The following PALM2AKAP2 variants were observed in gnomAD, a reference collection of about 807,000 sequenced individuals.
The protein encoded by PALM2AKAP2 is PALM2-AKAP2 fusion protein.
A neutral mutation model predicts 71.5 loss-of-function variants in PALM2AKAP2; 37 were observed. The ratio of observed to expected loss-of-function variants is 0.52; its 90% CI spans 0.40 to 0.68. The LOEUF (loss-of-function observed/expected upper bound fraction) is 0.68. Among genes scored for constraint, PALM2AKAP2 ranks in the 30% least tolerant of loss-of-function variants. The pLI is 0.00. For synonymous variants in PALM2AKAP2, 468 were observed against 478.8 expected (o/e 0.98, Z 0.29); for missense variants, 1,224 against 1,191.8 (o/e 1.03, Z -0.40).
intron 1 of PALM2AKAP2, among the ~76,000 whole-genome samples, chr9:109,656,315 C>CT (rs1277330375): frequency 6.6e-6 from 1 of 152,174 alleles, no homozygotes; most frequent in Non-Finnish European, 1.5e-5. Flanking sequence ...GCCAGACCTT[C>CT]TAGGCCACTT....
intron 6 of PALM2AKAP2, among the ~76,000 whole-genome samples, chr9:109,934,749 C>T (rs776417038): frequency 6.6e-6 from 1 of 152,168 alleles, no homozygotes; most frequent in Non-Finnish European, 1.5e-5. Flanking sequence ...AGCCTCACTC[C>T]GTTTATCCAT....
At chr9:110,126,362 G>C (rs1426565550) in intron 1 of PALM2AKAP2, among the ~76,000 whole-genome samples, 1 of 152,198 alleles carries the variant, frequency 6.6e-6, no homozygotes, top group Non-Finnish European at 1.5e-5. Context: ...AACCAAGAGG[G>C]ACACAGCAAA....
intron 2 of PALM2AKAP2, among the ~76,000 whole-genome samples, chr9:109,875,175 ACT>A (rs1829694133): frequency 6.6e-6 from 1 of 151,778 alleles, no homozygotes; most frequent in African/African-American, 2.4e-5. Flanking sequence ...AACACACCAA[ACT>A]CTGTCCTACC....
At chr9:110,087,968 A>G (rs1834611261) in intron 1 of PALM2AKAP2, among the ~76,000 whole-genome samples, 1 of 152,188 alleles carries the variant, frequency 6.6e-6, no homozygotes, top group Non-Finnish European at 1.5e-5. Flanking sequence ...CAGCATTTGT[A>G]TTGTATGGTT....
chr9:109,679,173 C>T (rs1451611371), intron 1 of PALM2AKAP2, among the ~76,000 whole-genome samples: 1 of 152,150 alleles, frequency 6.6e-6, no homozygotes, highest in Non-Finnish European at 1.5e-5. Context: ...GTGCTTCCTG[C>T]CGAGAACACC....
Position 109,757,896 on chromosome 9 carries a change from T to C in PALM2AKAP2, c.6-22592T>C, listed in dbSNP as rs1828989121. ...ATTGATTTATCTATTTCATTTTTTC[T>C]TTACTTTCAAGAAGGTAATATATTC... On this transcript the variant is annotated intron_variant, in intron 1 of 6. Coordinates refer to the PALM2AKAP2 transcript ENST00000374531. 2.0e-5 allele frequency among the ~76,000 whole-genome samples: 3 copies of C among 152,134 alleles called. No individual in the cohort carries two copies. In the South Asian group the frequency reaches 6.2e-4, roughly 32 times the overall value.
chr9:109,802,200 T>G (rs1000188712), intron 1 of PALM2AKAP2, among the ~76,000 whole-genome samples: 1 of 152,202 alleles, frequency 6.6e-6, no homozygotes, highest in African/African-American at 2.4e-5. Context: ...GAAATGGGGT[T>G]GCTACAGTTA....
intron 1 of PALM2AKAP2, among the ~76,000 whole-genome samples, chr9:109,746,015 G>A (rs1304820780): frequency 2.6e-5 from 4 of 152,202 alleles, no homozygotes; most frequent in Admixed American, 6.5e-5. Flanking sequence ...CAGGTTTGCC[G>A]TGAAGTGTGC....
intron 1 of PALM2AKAP2, among the ~76,000 whole-genome samples, chr9:110,130,996 G>A (rs1465536444): frequency 1.3e-5 from 2 of 152,182 alleles, no homozygotes; most frequent in Non-Finnish European, 2.9e-5. Context: ...GGGAGTTAAA[G>A]GGAGCTAAGT....
intron 1 of PALM2AKAP2, among the ~76,000 whole-genome samples, chr9:109,659,633 G>T (rs1014617845): frequency 6.6e-6 from 1 of 152,046 alleles, no homozygotes; most frequent in Admixed American, 6.6e-5. Flanking sequence ...TCAATGTATA[G>T]TAGAATTTTA....
intron 1 of PALM2AKAP2, among the ~76,000 whole-genome samples, chr9:109,694,497 A>T (rs1320235791): frequency 6.6e-6 from 1 of 152,008 alleles, no homozygotes; most frequent in East Asian, 1.9e-4. Flanking sequence ...AAATCTAGTG[A>T]TACACTTAAC....
exon 2 of PALM2AKAP2, chr9:110,136,193 C>T (rs1255029516): frequency 6.2e-7 from 1 of 1,613,502 alleles, no homozygotes. Context: ...TAGTGCCACC[C>T]TCCTGGAGCC....
chr9:109,921,344 G>GGGTGCCATCC (rs1231126357), intron 3 of PALM2AKAP2, among the ~76,000 whole-genome samples: 1 of 152,128 alleles, frequency 6.6e-6, no homozygotes, highest in African/African-American at 2.4e-5. Context: ...CTTTGCTGTA[G>GGGTGCCATCC]GGTGCCATCC....
At chr9:109,882,376 C>G (rs946613930) in intron 3 of PALM2AKAP2, among the ~76,000 whole-genome samples, 1 of 152,186 alleles carries the variant, frequency 6.6e-6, no homozygotes, top group African/African-American at 2.4e-5. Flanking sequence ...GCTTTCAGAG[C>G]AGCTTGGCTA....
chr9:110,113,959 T>A (rs968615066), intron 1 of PALM2AKAP2, among the ~76,000 whole-genome samples: 1 of 152,250 alleles, frequency 6.6e-6, no homozygotes. Context: ...ATTGAAGTCC[T>A]ACCATGTTCC....
chr9:109,846,963 T>C (rs1828873444), intron 1 of PALM2AKAP2, among the ~76,000 whole-genome samples: 1 of 152,352 alleles, frequency 6.6e-6, no homozygotes, highest in African/African-American at 2.4e-5. Context: ...CTCTCTGTGA[T>C]TGATGACCTA....
chr9:110,089,556 T>TA (rs1834657152), intron 1 of PALM2AKAP2, among the ~76,000 whole-genome samples: 1 of 152,162 alleles, frequency 6.6e-6, no homozygotes, highest in African/African-American at 2.4e-5. Flanking sequence ...GGACAATGTT[T>TA]AAAAAAATCC....
intron 6 of PALM2AKAP2, among the ~76,000 whole-genome samples, chr9:109,998,366 C>T (rs1018349731): frequency 6.6e-6 from 1 of 152,144 alleles, no homozygotes; most frequent in African/African-American, 2.4e-5. Context: ...AGTTCCTTTG[C>T]TGTGTCTATG....
At chr9:109,692,283 G>A (rs1483523786) in intron 1 of PALM2AKAP2, among the ~76,000 whole-genome samples, 1 of 151,504 alleles carries the variant, frequency 6.6e-6, no homozygotes, top group Non-Finnish European at 1.5e-5. Context: ...ATTGAGTTTT[G>A]CATTTTGACT....
Sources: gnomAD v4.1 joint callset for allele counts (sites outside exome capture counted in the v4.1 genomes callset) on GRCh38, gnomAD v4.1.1 for gene constraint, MANE v1.5 for transcripts, NCBI Gene and HGNC (gene_info 2026-07-23, HGNC 2026-07-21) for gene names.